SHISA6: variants seen among roughly 807,000 people sequenced by gnomAD.
SHISA6 encodes shisa family member 6.
A neutral mutation model predicts 47.9 loss-of-function variants in SHISA6; 22 were observed. The ratio of observed to expected loss-of-function variants is 0.46; its 90% CI spans 0.33 to 0.66. SHISA6 has a LOEUF of 0.66. Among genes scored for constraint, SHISA6 ranks in the 30% least tolerant of loss-of-function variants. SHISA6 has a pLI of 0.02. For synonymous variants in SHISA6, 388 were observed against 337.8 expected (o/e 1.15, Z -1.63); for missense variants, 680 against 764.6 (o/e 0.89, Z 1.30).
At chr17:11,338,405 G>T (rs768641118) in intron 2 of SHISA6, among the ~76,000 whole-genome samples, 2 of 151,882 alleles carry the variant, frequency 1.3e-5, no homozygotes, top group Non-Finnish European at 2.9e-5. Flanking sequence ...TTATTTTTTT[G>T]TTTGTTTGTT....
chr17:11,376,756 G>A (rs1006831969), intron 2 of SHISA6, among the ~76,000 whole-genome samples: 10 of 152,142 alleles, frequency 6.6e-5, no homozygotes, highest in African/African-American at 2.4e-4. Flanking sequence ...CCTATCACTG[G>A]TCCAAACATA....
At chr17:11,523,229 A>T (rs2071645342) in intron 3 of SHISA6, among the ~76,000 whole-genome samples, 1 of 152,204 alleles carries the variant, frequency 6.6e-6, no homozygotes, top group Non-Finnish European at 1.5e-5. Flanking sequence ...CTCCTGCTCA[A>T]AAGAAATAAA....
In SHISA6 at chr17:11,560,096, T is replaced by G. The variant is rs2072027489; in HGVS notation, c.*1792T>G. The G allele has an allele frequency of 6.6e-6, 1 of 152,224 alleles. No individual in the cohort carries two copies. The highest frequency in any genetic ancestry group is 1.5e-5 in the Non-Finnish European group (1 of 68,056). 9.4% of individuals were successfully genotyped at this position (152,224 alleles called of 1,614,324 possible). Reference sequence around the variant, plus strand: ...AAGGAGAATTTATTGGTGTCAGCCCTGGAGATTTTTAATCTAACCAAGTCC... The same window carrying G: ...AAGGAGAATTTATTGGTGTCAGCCCGGGAGATTTTTAATCTAACCAAGTCC... On this transcript the variant is annotated 3_prime_UTR_variant, in exon 6 of 6. Transcript: ENST00000441885.
Position 11,448,290 on chromosome 17 carries a change from C to T in SHISA6, c.895+68781C>T, listed in dbSNP as rs185230455. ...TCAAGTCTGTAATCCCAGAACTTTT[C>T]GAGGCCAAGGCAGGAGAATCTCCTG... On this transcript the variant is annotated intron_variant, in intron 3 of 5. Coordinates refer to ENST00000441885, the MANE Select transcript of SHISA6 (RefSeq NM_207386.4). Among the ~76,000 whole-genome samples, 502 of 151,930 alleles carry T rather than the reference C, an allele frequency of 3.3e-3. 4 individuals are homozygous for T. Among genetic ancestry groups the T allele is most frequent in the Middle Eastern group, 0.014 (4 of 290 alleles).
At chr17:11,275,312 G>A (rs1343019145) in intron 2 of SHISA6, among the ~76,000 whole-genome samples, 1 of 152,076 alleles carries the variant, frequency 6.6e-6, no homozygotes, top group Non-Finnish European at 1.5e-5. Flanking sequence ...TTGGAGAGGA[G>A]GCTTTTGGGG....
intron 2 of SHISA6, among the ~76,000 whole-genome samples, chr17:11,371,600 G>C (rs989146027): frequency 5.3e-5 from 8 of 152,138 alleles, no homozygotes; most frequent in Non-Finnish European, 1.0e-4. Flanking sequence ...ATTAGTATCT[G>C]TGTTTGATAA....
At chr17:11,407,869 C>A (rs1309042161) in intron 3 of SHISA6, among the ~76,000 whole-genome samples, 1 of 152,144 alleles carries the variant, frequency 6.6e-6, no homozygotes, top group Admixed American at 6.5e-5. Flanking sequence ...CACTGGAGGA[C>A]CTGCCTGTGA....
intron 3 of SHISA6, among the ~76,000 whole-genome samples, chr17:11,435,526 C>T (rs1303924175): frequency 6.6e-6 from 1 of 152,070 alleles, no homozygotes; most frequent in East Asian, 1.9e-4. Flanking sequence ...GCACCCTGTG[C>T]AGGAATCTGT....
At chr17:11,279,021 AAG>A (rs1909030323) in intron 2 of SHISA6, among the ~76,000 whole-genome samples, 1 of 152,286 alleles carries the variant, frequency 6.6e-6, no homozygotes, top group African/African-American at 2.4e-5. Flanking sequence ...TTTCCACAGA[AAG>A]AAGCTAAAAC....
intron 2 of SHISA6, among the ~76,000 whole-genome samples, chr17:11,364,267 C>T (rs1379026503): frequency 6.6e-6 from 1 of 152,164 alleles, no homozygotes; most frequent in African/African-American, 2.4e-5. Flanking sequence ...CCTTCATGTT[C>T]CTCTCCAGTC....
At chr17:11,350,443 G>A (rs940341237) in intron 2 of SHISA6, among the ~76,000 whole-genome samples, 1 of 151,878 alleles carries the variant, frequency 6.6e-6, no homozygotes, top group African/African-American at 2.4e-5. Flanking sequence ...GACTCCCAAA[G>A]TGCTGAGATT....
At chr17:11,293,005 A>T (rs1909607302) in intron 2 of SHISA6, among the ~76,000 whole-genome samples, 2 of 151,768 alleles carry the variant, frequency 1.3e-5, no homozygotes, top group South Asian at 4.2e-4. Context: ...TTGTATTTTT[A>T]GTAGAGACGG....
chr17:11,552,096 C>T, intron 4 of SHISA6, 144 bp downstream of exon 4: 1 of 780,692 alleles, frequency 1.3e-6, no homozygotes, highest in Non-Finnish European at 2.1e-6. Flanking sequence ...GCTCGCCCTC[C>T]TCCAGGGCCA....
At chr17:11,524,638 A>C (rs1481313411) in intron 3 of SHISA6, among the ~76,000 whole-genome samples, 1 of 152,000 alleles carries the variant, frequency 6.6e-6, no homozygotes. Flanking sequence ...CTGGGATTAC[A>C]GGTGCCTGCC....
chr17:11,340,570 G>A (rs185790631), intron 2 of SHISA6, among the ~76,000 whole-genome samples: 15 of 152,308 alleles, frequency 9.8e-5, no homozygotes, highest in Admixed American at 9.1e-4. Context: ...GAATTTAATG[G>A]GAGAGAAACC....
At chr17:11,295,693 G>T (rs1860301) in intron 2 of SHISA6, among the ~76,000 whole-genome samples, 3,086 of 152,272 alleles carry the variant, frequency 0.02, 103 homozygotes, top group African/African-American at 0.065. Context: ...GCCGGGTGCG[G>T]TGGCTCATGC....
At chr17:11,276,182 C>T (rs1190182560) in intron 2 of SHISA6, among the ~76,000 whole-genome samples, 3 of 151,894 alleles carry the variant, frequency 2.0e-5, no homozygotes, top group Admixed American at 6.6e-5. Flanking sequence ...TTCACCATGT[C>T]GACCAGGCTG....
At chr17:11,424,010 G>A (rs79700762) in intron 3 of SHISA6, among the ~76,000 whole-genome samples, 2,826 of 152,254 alleles carry the variant, frequency 0.019, 91 homozygotes, top group African/African-American at 0.064. Context: ...TTGCAAAGCA[G>A]CAAGCAAGTA....
At chr17:11,527,953 A>C (rs537501216) in intron 3 of SHISA6, among the ~76,000 whole-genome samples, 1 of 152,310 alleles carries the variant, frequency 6.6e-6, no homozygotes, top group Admixed American at 6.5e-5. Context: ...CAATTGCCAT[A>C]TCTATCAACC....
Sources: allele counts gnomAD v4.1 joint callset (sites outside exome capture counted in the v4.1 genomes callset), GRCh38; gene constraint gnomAD v4.1.1; transcripts MANE v1.5; gene names NCBI Gene and HGNC (gene_info 2026-07-23, HGNC 2026-07-21).